Variants in ESRRG observed in about 807,000 individuals in gnomAD.
ESRRG encodes estrogen related receptor gamma.
In ESRRG, 13 loss-of-function variants were observed where a neutral mutation model predicts 44.0. The ratio of observed to expected loss-of-function variants is 0.30; its 90% CI spans 0.19 to 0.47. ESRRG has a LOEUF of 0.47. Among genes scored for constraint, ESRRG ranks in the 20% least tolerant of loss-of-function variants. The pLI, the probability that ESRRG is intolerant of heterozygous loss-of-function variation, is 1.00. For missense variants in ESRRG, 395 were observed against 580.6 expected (o/e 0.68, Z 3.29); for synonymous variants, 215 against 214.6 (o/e 1.00, Z -0.02).
chr1:216,557,495 C>T (rs999773921), intron 5 of ESRRG, among the ~76,000 whole-genome samples: 3 of 152,058 alleles, frequency 2.0e-5, no homozygotes, highest in African/African-American at 7.2e-5. Flanking sequence ...TCATTGTCAA[C>T]GGTGTGTGTC....
At chr1:216,669,639 A>C (rs1165301360) in intron 2 of ESRRG, among the ~76,000 whole-genome samples, 2 of 152,244 alleles carry the variant, frequency 1.3e-5, no homozygotes, top group African/African-American at 4.8e-5. Context: ...TGATCCCAGC[A>C]CTTGGGGAGG....
chr1:216,957,385 T>A (rs957618031), intron 1 of ESRRG, among the ~76,000 whole-genome samples: 2 of 152,186 alleles, frequency 1.3e-5, no homozygotes, highest in Non-Finnish European at 1.5e-5. Context: ...CTCAGCACAT[T>A]TATTTGGATC....
chr1:216,622,811 A>T (rs1050072374), intron 3 of ESRRG, among the ~76,000 whole-genome samples: 3 of 152,144 alleles, frequency 2.0e-5, no homozygotes, highest in African/African-American at 7.2e-5. Context: ...CATTAATTTG[A>T]GCATATGAAG....
intron 1 of ESRRG, among the ~76,000 whole-genome samples, chr1:216,712,286 G>A (rs187519019): frequency 6.6e-6 from 1 of 152,240 alleles, no homozygotes; most frequent in East Asian, 1.9e-4. Flanking sequence ...TATAACGGAA[G>A]AGCAAATGCT....
chr1:216,712,968 A>G (rs1181622981), intron 1 of ESRRG, among the ~76,000 whole-genome samples: 1 of 152,214 alleles, frequency 6.6e-6, no homozygotes, highest in Non-Finnish European at 1.5e-5. Context: ...TTTAAAGCTG[A>G]ACGCTTTGTC....
At chr1:216,837,274 G>C (rs2095580711) in intron 2 of ESRRG, among the ~76,000 whole-genome samples, 1 of 151,986 alleles carries the variant, frequency 6.6e-6, no homozygotes, top group South Asian at 2.1e-4. Context: ...AGCCAGGCGT[G>C]GTGGTGAGTG....
chr1:216,753,987 T>C (rs2092277568), intron 2 of ESRRG, among the ~76,000 whole-genome samples: 1 of 152,094 alleles, frequency 6.6e-6, no homozygotes, highest in South Asian at 2.1e-4. Context: ...CTCAGTGTTA[T>C]CAACTCTGTG....
chr1:216,689,543 AAT>A (rs1269761979), intron 1 of ESRRG, among the ~76,000 whole-genome samples: 1 of 152,136 alleles, frequency 6.6e-6, no homozygotes, highest in Non-Finnish European at 1.5e-5. Flanking sequence ...GTAGTATCTT[AAT>A]ACATTTTTTT....
chr1:216,685,380 A>G (rs1439715900), intron 1 of ESRRG, among the ~76,000 whole-genome samples: 1 of 152,212 alleles, frequency 6.6e-6, no homozygotes, highest in East Asian at 1.9e-4. Flanking sequence ...TCTAGGGGAA[A>G]GCAATAGTCT....
At chr1:216,533,577 T>C (rs2050046835) in intron 5 of ESRRG, among the ~76,000 whole-genome samples, 1 of 152,118 alleles carries the variant, frequency 6.6e-6, no homozygotes, top group Non-Finnish European at 1.5e-5. Flanking sequence ...AAAGGGAAGT[T>C]GGGGAGTTCT....
intron 1 of ESRRG, among the ~76,000 whole-genome samples, chr1:217,005,781 C>A (rs1033923994): frequency 6.6e-6 from 1 of 152,094 alleles, no homozygotes; most frequent in African/African-American, 2.4e-5. Flanking sequence ...TCAAAATTCT[C>A]TCTTCTTTTT....
At chr1:216,745,312 A>G (rs1157139133) in intron 2 of ESRRG, among the ~76,000 whole-genome samples, 7 of 151,710 alleles carry the variant, frequency 4.6e-5, no homozygotes, top group Non-Finnish European at 8.8e-5. Flanking sequence ...GGCACACACC[A>G]TCATGCACAC....
chr1:216,861,634 T>C (rs2149100073), intron 2 of ESRRG, among the ~76,000 whole-genome samples: 1 of 152,262 alleles, frequency 6.6e-6, no homozygotes, highest in Non-Finnish European at 1.5e-5. Flanking sequence ...TCTGGGATAG[T>C]CAAAATTTTT....
chr1:216,736,413 G>C (rs892433664), intron 2 of ESRRG, among the ~76,000 whole-genome samples: 1 of 151,944 alleles, frequency 6.6e-6, no homozygotes, highest in African/African-American at 2.4e-5. Context: ...TCGATCTGCG[G>C]ACCTCGTGAT....
At chr1:217,066,192 T>G (rs914029381) in intron 1 of ESRRG, among the ~76,000 whole-genome samples, 1 of 152,182 alleles carries the variant, frequency 6.6e-6, no homozygotes, top group African/African-American at 2.4e-5. Flanking sequence ...AAAGCAAATA[T>G]GTGGCTTGTT....
chr1:216,780,671 G>A (rs2093900752), intron 2 of ESRRG, among the ~76,000 whole-genome samples: 1 of 151,934 alleles, frequency 6.6e-6, no homozygotes, highest in Non-Finnish European at 1.5e-5. Context: ...TATATTATCT[G>A]TATAACAAAT....
At chr1:216,931,437 T>C (rs983196482) in intron 2 of ESRRG, among the ~76,000 whole-genome samples, 1 of 152,180 alleles carries the variant, frequency 6.6e-6, no homozygotes, top group Non-Finnish European at 1.5e-5. Context: ...GCTCCTTCCT[T>C]ATTCTGGAAA....
At chr1:216,752,790 G>A (rs2092142360) in intron 2 of ESRRG, among the ~76,000 whole-genome samples, 1 of 152,048 alleles carries the variant, frequency 6.6e-6, no homozygotes, top group Non-Finnish European at 1.5e-5. Flanking sequence ...TTAGCTCTCT[G>A]GTCTTGGGCC....
In ESRRG at chr1:216,873,011, C is replaced by T. The variant is rs116437292; in HGVS notation, c.-14+66571G>A. On this transcript the variant is annotated intron_variant, in intron 2 of 7. Transcript: ENST00000359162. ...CAAGTTCCAACTGACCTTCTCATGG[C>T]TATGGTTTCAAAACTAGGTCAGTTT... Among the ~76,000 whole-genome samples, 1,251 of 152,194 alleles carry T rather than the reference C, an allele frequency of 8.2e-3. 23 individuals are homozygous for T. Among genetic ancestry groups the T allele is most frequent in the African/African-American group, 0.028 (1,181 of 41,524 alleles).
Sources: allele counts gnomAD v4.1 joint callset (sites outside exome capture counted in the v4.1 genomes callset), GRCh38; gene constraint gnomAD v4.1.1; transcripts MANE v1.5; gene names NCBI Gene and HGNC (gene_info 2026-07-23, HGNC 2026-07-21).